Variants in SEMA5A observed in about 807,000 individuals in gnomAD.
SEMA5A encodes the protein semaphorin 5A.
In SEMA5A, 55 loss-of-function variants were observed where a neutral mutation model predicts 135.5. The observed-to-expected ratio is 0.41, with a 90% CI of 0.33 to 0.51. SEMA5A has a LOEUF of 0.51. Ranked by LOEUF, SEMA5A falls within the 20% of genes least tolerant of loss-of-function variation. The pLI is 0.37. For missense variants in SEMA5A, 1,290 were observed against 1,419.9 expected, an observed-to-expected ratio of 0.91 and a Z score of 1.47; for synonymous variants, 580 against 546.5, an observed-to-expected ratio of 1.06 and a Z score of -0.85.
intron 1 of SEMA5A, among the ~76,000 whole-genome samples, chr5:9,438,679 T>C (rs1245381207): frequency 2.0e-5 from 3 of 152,192 alleles, no homozygotes; most frequent in Admixed American, 6.5e-5. Flanking sequence ...ATCTGGTTTT[T>C]CTCTACACTT....
chr5:9,523,816 C>T lies in SEMA5A; in HGVS notation c.-175+21768G>A, dbSNP rs564400314. Among the ~76,000 whole-genome samples, 76 of 152,368 alleles carry T rather than the reference C, an allele frequency of 5.0e-4. 1 individual carries two copies. Among genetic ancestry groups the T allele is most frequent in the African/African-American group, 1.8e-3 (75 of 41,594 alleles). On this transcript the variant is annotated intron_variant, in intron 1 of 22. Coordinates refer to ENST00000382496, the MANE Select transcript of SEMA5A (RefSeq NM_003966.3). ...TGCCACCTCCAGGTCATCCTCTGTG[C>T]TCCGCTCCCTTACAGATGGTGTACA...
chr5:9,135,995 C>T lies in SEMA5A; in HGVS notation c.1599+509G>A, dbSNP rs141666978. On this transcript the variant is annotated intron_variant, in intron 13 of 22. Coordinates refer to ENST00000382496, the MANE Select transcript of SEMA5A (RefSeq NM_003966.3). ...CATTCCATAGAGTCCTCTATGGGAA[C>T]GCACACTAGGCGGTCTCTTCCAGAC... 6.7e-3 allele frequency among the ~76,000 whole-genome samples: 1,021 copies of T among 152,248 alleles called. 10 individuals carry two copies. The highest frequency in any genetic ancestry group is 0.024 in the African/African-American group (981 of 41,550).
intron 12 of SEMA5A, among the ~76,000 whole-genome samples, chr5:9,154,171 G>T (rs988036808): frequency 6.8e-5 from 10 of 147,428 alleles, no homozygotes; most frequent in African/African-American, 2.5e-4. Flanking sequence ...GCTTGTGCCA[G>T]ATTAACATAT....
intron 16 of SEMA5A, among the ~76,000 whole-genome samples, chr5:9,080,145 C>A (rs1284066430): frequency 6.6e-6 from 1 of 152,122 alleles, no homozygotes; most frequent in Admixed American, 6.6e-5. Context: ...CTGGAAACAA[C>A]CCAAAATACC....
At chr5:9,043,512 C>T (rs75869396) in intron 22 of SEMA5A, among the ~76,000 whole-genome samples, 1 of 152,138 alleles carries the variant, frequency 6.6e-6, no homozygotes. Context: ...TCATCCTGAA[C>T]TTATTAGAAG....
rs1735971785 is a variant in SEMA5A, at chr5:9,041,579, A to G, written c.*1318T>C. ...GACCACAGGGATCCCAAAAACCCTT[A>G]CTTCCAGCTATCCTGACTTCCCAAG... is the stretch of plus-strand genomic sequence containing the variant. On this transcript the variant is annotated 3_prime_UTR_variant, in exon 23 of 23. Transcript: ENST00000382496. 1 of 152,224 alleles carries G rather than the reference A, an allele frequency of 6.6e-6. No individual in the cohort carries two copies. Among genetic ancestry groups the G allele is most frequent in the South Asian group, 2.1e-4 (1 of 4,834 alleles). 9.4% of individuals were successfully genotyped at this position (152,224 alleles called of 1,614,324 possible). A position where few individuals can be genotyped will look rare whatever the true frequency, so the allele number is the denominator to read the frequency against.
chr5:9,410,275 A>G (rs1245785277), intron 2 of SEMA5A, among the ~76,000 whole-genome samples: 1 of 152,216 alleles, frequency 6.6e-6, no homozygotes, highest in East Asian at 1.9e-4. Flanking sequence ...GGATACTAAG[A>G]TCTTATTTAA....
chr5:9,287,601 C>T (rs1750863585), intron 5 of SEMA5A, among the ~76,000 whole-genome samples: 1 of 152,076 alleles, frequency 6.6e-6, no homozygotes, highest in African/African-American at 2.4e-5. Flanking sequence ...TTATGTTACC[C>T]TAGTACAGGA....
rs538790510 is a variant in SEMA5A at position 9,204,462 on chromosome 5, C to A, written c.647-2222G>T. ...CGAGAAGATACAAAGGAAGAAAGAT[C>A]TTTTATGGTTTCCAGCTGAAGGATG... On this transcript the variant is annotated intron_variant, in intron 8 of 22. Coordinates refer to ENST00000382496, the MANE Select transcript of SEMA5A (RefSeq NM_003966.3). The surrounding 1 kb of genome is among the most constrained non-coding windows in gnomAD (Gnocchi z 6.4). 1.3e-5 allele frequency among the ~76,000 whole-genome samples: 2 copies of A among 152,284 alleles called. No individual in the cohort carries two copies. The highest frequency in any genetic ancestry group is 1.3e-4 in the Admixed American group (2 of 15,296).
chr5:9,402,388 T>C (rs575482526), intron 2 of SEMA5A, among the ~76,000 whole-genome samples: 2 of 152,370 alleles, frequency 1.3e-5, no homozygotes, highest in Admixed American at 1.3e-4. Context: ...GAGCTCTTTC[T>C]GGAATCACAC....
At chr5:9,424,227 G>A (rs534644804) in intron 2 of SEMA5A, among the ~76,000 whole-genome samples, 7 of 152,188 alleles carry the variant, frequency 4.6e-5, no homozygotes, top group Non-Finnish European at 5.9e-5. Flanking sequence ...ATATTTCATT[G>A]TAAGAGTCTG....
chr5:9,296,201 A>G (rs935816188), intron 5 of SEMA5A, among the ~76,000 whole-genome samples: 1 of 152,224 alleles, frequency 6.6e-6, no homozygotes, highest in African/African-American at 2.4e-5. Context: ...CAGTTATTTT[A>G]AAAGTTCAAT....
chr5:9,315,958 T>C (rs1014553810), intron 5 of SEMA5A, among the ~76,000 whole-genome samples: 12 of 152,298 alleles, frequency 7.9e-5, no homozygotes, highest in Middle Eastern at 6.8e-3. Flanking sequence ...TTAGCATCTA[T>C]TGATCACTTT....
chr5:9,531,756 G>C (rs1212002357), intron 1 of SEMA5A, among the ~76,000 whole-genome samples: 3 of 152,154 alleles, frequency 2.0e-5, no homozygotes, highest in East Asian at 1.9e-4. Context: ...TCTACACACT[G>C]TCTTCCCAGG....
intron 4 of SEMA5A, among the ~76,000 whole-genome samples, chr5:9,323,917 G>A (rs573028794): frequency 1.3e-5 from 2 of 151,670 alleles, no homozygotes; most frequent in African/African-American, 4.8e-5. Flanking sequence ...CCAAAGTGCT[G>A]GGATTACAGG....
intron 5 of SEMA5A, among the ~76,000 whole-genome samples, chr5:9,317,648 C>T (rs805139): frequency 0.14 from 20,990 of 152,162 alleles, 1,592 homozygotes; most frequent in Non-Finnish European, 0.17. Flanking sequence ...GAGAGTGAGA[C>T]GAAAATTGGT....
chr5:9,394,784 G>A (rs1489972073), intron 2 of SEMA5A, among the ~76,000 whole-genome samples: 1 of 152,128 alleles, frequency 6.6e-6, no homozygotes, highest in South Asian at 2.1e-4. Flanking sequence ...AAAGTTATAA[G>A]TAGTATGGCA....
chr5:9,542,861 T>C (rs182893464), intron 1 of SEMA5A, among the ~76,000 whole-genome samples: 23 of 152,324 alleles, frequency 1.5e-4, no homozygotes, highest in African/African-American at 5.5e-4. Context: ...GAGTTTTTGA[T>C]ATTAGTTAAC....
chr5:9,368,584 C>A (rs1044794260), intron 3 of SEMA5A, among the ~76,000 whole-genome samples: 2 of 152,164 alleles, frequency 1.3e-5, no homozygotes, highest in African/African-American at 4.8e-5. Flanking sequence ...ATCCAGGCAG[C>A]CATTAATAGG....
Sources: allele counts gnomAD v4.1 joint callset (sites outside exome capture counted in the v4.1 genomes callset), GRCh38; gene constraint gnomAD v4.1.1; non-coding constraint Gnocchi (gnomAD v3.1); transcripts MANE v1.5; gene names NCBI Gene and HGNC (gene_info 2026-07-23, HGNC 2026-07-21).